Variants in HELZ2 observed in about 807,000 individuals in gnomAD.
The protein encoded by HELZ2 is 3'-5' exoribonuclease HELZ2.
HELZ2 carries 143 observed loss-of-function variants against 208.8 expected under a neutral mutation model. The ratio of observed to expected loss-of-function variants is 0.68; its 90% confidence interval spans 0.60 to 0.79. The LOEUF (loss-of-function observed/expected upper bound fraction) is 0.79, where lower values mean the gene tolerates loss of function less well. Among genes scored for constraint, HELZ2 ranks in the 30% least tolerant of loss-of-function variants. The probability of loss-of-function intolerance (pLI) is 0.00; values close to 1 mark genes in which losing one functional copy is unlikely to be tolerated. For missense variants in HELZ2, 3,690 were observed against 3,794.5 expected, an observed-to-expected ratio of 0.97 and a Z score of 0.72; for synonymous variants, 1,705 against 1,693.7, an observed-to-expected ratio of 1.01 and a Z score of -0.16.
chr20:63,560,675 G>A (rs2082876121), exon 16 of HELZ2: 1 of 1,608,972 alleles, frequency 6.2e-7, no homozygotes, highest in South Asian at 1.1e-5. Context: ...CGCCACAGAG[G>A]GGAAGGCACA....
In HELZ2 at chr20:63,566,805, G is replaced by T. The variant is rs964956762; in HGVS notation, c.2514+39C>A. On this transcript the variant is annotated intron_variant, in intron 6 of 18. Transcript: ENST00000467148. The stretch of plus-strand genomic sequence containing the variant: ...CGGAGAGCTCCCCCTCCCCCAGCAG[G>T]GGTGCGGTCGGGGGCTGTCCCGGGC... The T allele has an allele frequency of 4.6e-6, 7 of 1,534,934 alleles. No homozygotes were observed. In the African/African-American group the frequency reaches 8.1e-5, roughly 18 times the overall value.
Position 63,563,241 on chromosome 20 carries a change from G to A in HELZ2, c.5581C>T (p.Gln1861Ter). The change falls in exon 8 of 19, where the codon CAG becomes TAG. Residue 1861 changes from glutamine to a stop codon, truncating the protein, a stop_gained. Transcript: ENST00000467148. LOFTEE classifies it high-confidence loss of function. ...TGGCCACAGTGGCTCCGCTGCACCTGCACCAGCTCCCGCCGCTGGGACGCC... is the reference window on the plus strand; with the variant it reads ...TGGCCACAGTGGCTCCGCTGCACCTACACCAGCTCCCGCCGCTGGGACGCC... The A allele has an allele frequency of 1.3e-6, 2 of 1,558,288 alleles. No homozygotes were observed. Among genetic ancestry groups the A allele is most frequent in the South Asian group, 2.3e-5 (2 of 86,628 alleles).
Position 63,570,665 on chromosome 20 carries a change from C to T in HELZ2, c.462+20G>A. 1 of 1,548,166 alleles carries T rather than the reference C, an allele frequency of 6.5e-7. No individual in the cohort carries two copies. Among genetic ancestry groups the T allele is most frequent in the Non-Finnish European group, 8.9e-7 (1 of 1,128,656 alleles). Reference sequence around the variant, plus strand: ...GGCCTGGACCCCACCCCACCCCACCCACTCCCAGGGCCCACTTACCACAAG... The same window carrying T: ...GGCCTGGACCCCACCCCACCCCACCTACTCCCAGGGCCCACTTACCACAAG... On this transcript the variant is annotated intron_variant, in intron 2 of 18. Coordinates refer to ENST00000467148, the Ensembl canonical transcript of HELZ2.
chr20:63,566,236 A>C lies in HELZ2; in HGVS notation c.2591-5T>G, dbSNP rs546287076. On this transcript the variant is annotated splice_polypyrimidine_tract_variant and splice_region_variant and intron_variant, in intron 7 of 18. Transcript: ENST00000467148. ...CCACGACCCGGAACTGCCGCCCTGC[A>C]GGGGGCACGCAGTCAGGTCAGGCTG... 4.0e-6 allele frequency: 6 copies of C among 1,485,866 alleles called. No homozygotes were observed. The African/African-American group carries it at 5.6e-5, about 14-fold the overall frequency. The allele number at this position is 1,485,866 out of a possible 1,614,324, so 92.0% of individuals were successfully genotyped here.
At chr20:63,570,825 A>C (rs773185815) in exon 2 of HELZ2, 3 of 1,608,318 alleles carry the variant, frequency 1.9e-6, no homozygotes, top group Non-Finnish European at 1.7e-6. Flanking sequence ...TCCTGTGCTG[A>C]GTGTGCCTTG....
chr20:63,572,326 G>A, exon 1 of HELZ2: 1 of 1,585,042 alleles, frequency 6.3e-7, no homozygotes. Context: ...CAGGGGCAGG[G>A]GGTGTGAGCA....
intron 12 of HELZ2, 35 bp from the exon 14 acceptor site, chr20:63,561,501 A>T (rs1465554874): frequency 3.8e-6 from 6 of 1,585,654 alleles, no homozygotes; most frequent in Non-Finnish European, 4.3e-6. Context: ...CTGTCCACGC[A>T]GGGCCATCAC....
At chr20:63,561,440 C>T (rs1360918430) in exon 13 of HELZ2, 11 of 1,611,280 alleles carry the variant, frequency 6.8e-6, no homozygotes, top group East Asian at 6.7e-5. Context: ...GGGGGCCTGC[C>T]GGATCCGGTG....
chr20:63,570,993 C>T, intron 1 of HELZ2, 125 bp from the exon 3 acceptor site: 2 of 720,508 alleles, frequency 2.8e-6, no homozygotes, highest in East Asian at 2.7e-5. Context: ...GTCCCACCCA[C>T]TCCTGTGCTC....
At chr20:63,562,529 A>C in exon 8 of HELZ2, 1 of 1,580,072 alleles carries the variant, frequency 6.3e-7, no homozygotes, top group African/African-American at 1.3e-5. Flanking sequence ...CAGATCAGGA[A>C]GCTGCTTGGG....
At chr20:63,570,257 G>A in intron 3 of HELZ2, 1 of 642,102 alleles carries the variant, frequency 1.6e-6, no homozygotes. Flanking sequence ...ACCGCACCTG[G>A]CCAAATCCTT....
chr20:63,564,198 C>T, exon 8 of HELZ2: 1 of 1,611,694 alleles, frequency 6.2e-7, no homozygotes, highest in Non-Finnish European at 8.5e-7. Flanking sequence ...CACTCGCTGC[C>T]CACCAGGAAC....
At chr20:63,569,451 A>T (rs1410309218) in exon 4 of HELZ2, 1 of 1,609,766 alleles carries the variant, frequency 6.2e-7, no homozygotes, top group South Asian at 1.1e-5. Context: ...TTGTAGCAGC[A>T]CCGGCCGGCG....
chr20:63,562,318 C>G (rs750610107), exon 9 of HELZ2: 1 of 1,599,370 alleles, frequency 6.3e-7, no homozygotes, highest in South Asian at 1.1e-5. Context: ...ACAGGCCGGC[C>G]CAGTGCGATG....
At chr20:63,564,451 G>C (rs751989373) in exon 8 of HELZ2, 63 of 1,570,160 alleles carry the variant, frequency 4.0e-5, no homozygotes, top group Non-Finnish European at 4.4e-5. Flanking sequence ...CCTCCTCGTA[G>C]GACAGCTGGC....
In HELZ2 at chr20:63,560,100, G is replaced by A. The variant is rs539084511; in HGVS notation, c.7658-5C>T. ...GCACATAGCGCCACTCGCTCCCTGC[G>A]GGATGGGAGGTGAGGCCCTGCTGCC... On this transcript the variant is annotated splice_polypyrimidine_tract_variant and splice_region_variant and intron_variant, in intron 17 of 18. Transcript: ENST00000467148. 165 of 1,586,244 alleles carry A rather than the reference G, an allele frequency of 1.0e-4. No homozygotes were observed. The highest frequency in any genetic ancestry group is 2.8e-4 in the East Asian group (12 of 43,338).
chr20:63,565,483 C>T (rs994447289), exon 8 of HELZ2: 2 of 1,607,444 alleles, frequency 1.2e-6, no homozygotes, highest in East Asian at 2.2e-5. Context: ...CAGCCGGGGG[C>T]AGGTTCTCGT....
At chr20:63,572,163 G>A in exon 1 of HELZ2, 1 of 1,611,208 alleles carries the variant, frequency 6.2e-7, no homozygotes, top group Non-Finnish European at 8.5e-7. Flanking sequence ...TGCTCCCAGG[G>A]CAGGGCCTGG....
rs1198159528 is a variant in HELZ2, at chr20:63,569,675, A to T, written c.571-10T>A. 2 of 1,511,720 alleles carry T rather than the reference A, an allele frequency of 1.3e-6. No individual in the cohort carries two copies. The allele number at this position is 1,511,720 out of a possible 1,614,324, so 93.6% of individuals were successfully genotyped here. A position where few individuals can be genotyped will look rare whatever the true frequency, so the allele number is the denominator to read the frequency against. ...CGTGTAGCAGGGGCTCCTGGAGAGG[A>T]GGCCAGACGGTGAGGGGGGCCCAGG... On this transcript the variant is annotated splice_polypyrimidine_tract_variant and intron_variant, in intron 3 of 18. Coordinates refer to ENST00000467148, the Ensembl canonical transcript of HELZ2.
Sources: gnomAD v4.1 joint callset for allele counts on GRCh38, gnomAD v4.1.1 for gene constraint, MANE v1.5 for transcripts, NCBI Gene and HGNC (gene_info 2026-07-23, HGNC 2026-07-21) for gene names.